Variants in AIM2 observed in about 807,000 individuals in gnomAD.
AIM2 encodes the protein absent in melanoma 2, also known as interferon-inducible protein AIM2.
A neutral mutation model predicts 27.7 loss-of-function variants in AIM2; 30 were observed. That is an observed-to-expected ratio of 1.08 (90% confidence interval 0.81 to 1.47). The LOEUF is 1.47. Among genes scored for constraint, AIM2 ranks in the 40% most tolerant of loss-of-function variants. The pLI, the probability that AIM2 is intolerant of heterozygous loss-of-function variation, is 0.00. For missense variants in AIM2, 358 were observed against 411.3 expected, an observed-to-expected ratio of 0.87 and a Z score of 1.12; for synonymous variants, 141 against 145.3, an observed-to-expected ratio of 0.97 and a Z score of 0.21.
Position 159,062,615 on chromosome 1 carries a change from T to G in AIM2, c.*77A>C, listed in dbSNP as rs1172198867. 1.4e-6 allele frequency: 2 copies of G among 1,394,924 alleles called. No homozygotes were observed. The highest frequency in any genetic ancestry group is 2.9e-5 in the African/African-American group (2 of 69,598). The allele number at this position is 1,394,924 out of a possible 1,614,324, so 86.4% of individuals were successfully genotyped here. A position where few individuals can be genotyped will look rare whatever the true frequency, so the allele number is the denominator to read the frequency against. On this transcript the variant is annotated 3_prime_UTR_variant, in exon 6 of 6. Transcript: ENST00000368130. ...AGCTTTCAGGTAACTTACAATCTGA[T>G]TGAAGAGGCTGTATCACATATTCTT...
chr1:159,062,779 T>C lies in AIM2; in HGVS notation c.1006-61A>G, dbSNP rs1655888800. The C allele has an allele frequency of 2.0e-6, 3 of 1,476,448 alleles. No homozygotes were observed. The African/African-American group carries it at 4.2e-5, about 21-fold the overall frequency. 91.5% of individuals were successfully genotyped at this position (1,476,448 alleles called of 1,614,324 possible). A position where few individuals can be genotyped will look rare whatever the true frequency, so the allele number is the denominator to read the frequency against. On this transcript the variant is annotated intron_variant, in intron 5 of 5. Transcript: ENST00000368130. Reference sequence around the variant, plus strand: ...AGTCGATGAGTGGCCCCTCCACTGTTTGCAGTCACTATGGCCTTCTGAAGT... The same window carrying C: ...AGTCGATGAGTGGCCCCTCCACTGTCTGCAGTCACTATGGCCTTCTGAAGT...
intron 1 of AIM2, chr1:159,081,773 G>A (rs562126336): frequency 1.4e-4 from 25 of 183,396 alleles, no homozygotes; most frequent in African/African-American, 3.8e-4. Context: ...TTCCTGACAC[G>A]TAAACTCTTA....
intron 1 of AIM2, among the ~76,000 whole-genome samples, chr1:159,138,836 C>T (rs928721093): frequency 2.0e-5 from 3 of 152,158 alleles, no homozygotes; most frequent in Non-Finnish European, 4.4e-5. Context: ...ACATATCCTG[C>T]CCGCATACTT....
intron 1 of AIM2, among the ~76,000 whole-genome samples, chr1:159,131,382 C>T (rs888591601): frequency 2.0e-5 from 3 of 151,950 alleles, no homozygotes; most frequent in African/African-American, 7.3e-5. Flanking sequence ...TGTGTGTATA[C>T]ATATATAATG....
At chr1:159,110,579 T>A (rs1176700278) in intron 1 of AIM2, among the ~76,000 whole-genome samples, 2 of 152,172 alleles carry the variant, frequency 1.3e-5, no homozygotes. Flanking sequence ...AAAAAAAAAC[T>A]GACACGGTCA....
At chr1:159,089,199 C>A (rs761606198) in intron 1 of AIM2, among the ~76,000 whole-genome samples, 2 of 152,148 alleles carry the variant, frequency 1.3e-5, no homozygotes, top group Non-Finnish European at 2.9e-5. Flanking sequence ...AGCATTATTT[C>A]AATTTAATAT....
At position 159,065,904 on chromosome 1, in the gene AIM2, A is replaced by G; in HGVS notation, c.816+6T>C. 6.3e-7 allele frequency: 1 copy of G among 1,580,626 alleles called. No homozygotes were observed. Among genetic ancestry groups the G allele is most frequent in the African/African-American group, 1.4e-5 (1 of 73,408 alleles). On this transcript the variant is annotated splice_donor_region_variant and intron_variant, in intron 4 of 5. Transcript: ENST00000368130. ...AATCAATATGAAATTAGATATGAAA[A>G]CTTACCTTCTGGACTACAAACAAAC...
At chr1:159,128,072 A>C (rs1451641301) in intron 1 of AIM2, among the ~76,000 whole-genome samples, 3 of 152,168 alleles carry the variant, frequency 2.0e-5, no homozygotes, top group African/African-American at 7.2e-5. Flanking sequence ...CTCCTAGTAG[A>C]ACACATGCCT....
Position 159,068,419 on chromosome 1 carries a change from T to C in AIM2, c.396+149A>G. The C allele has an allele frequency of 7.4e-6, 8 of 1,074,798 alleles. No individual in the cohort carries two copies. The South Asian group carries it at 1.4e-4, about 18-fold the overall frequency. The allele number at this position is 1,074,798 out of a possible 1,614,324, so 66.6% of individuals were successfully genotyped here. A position where few individuals can be genotyped will look rare whatever the true frequency, so the allele number is the denominator to read the frequency against. On this transcript the variant is annotated intron_variant, in intron 3 of 5. Transcript: ENST00000368130. The stretch of plus-strand genomic sequence containing the variant: ...AATCTGATGAATCAAAGGTAGTTCC[T>C]GTTTTTGTGACTCAGAATGCTTTTC...
At chr1:159,116,045 A>G (rs894036233) in intron 1 of AIM2, among the ~76,000 whole-genome samples, 4 of 152,324 alleles carry the variant, frequency 2.6e-5, no homozygotes, top group African/African-American at 9.6e-5. Flanking sequence ...CACTTCTCAA[A>G]AGAAGACATT....
intron 1 of AIM2, among the ~76,000 whole-genome samples, chr1:159,089,784 T>C (rs533385759): frequency 1.3e-5 from 2 of 152,226 alleles, no homozygotes; most frequent in Non-Finnish European, 2.9e-5. Flanking sequence ...GTTATTCTTC[T>C]AAGCTTTCCA....
downstream of AIM2, among the ~76,000 whole-genome samples, chr1:159,061,004 ATAAG>A (rs1190382367): frequency 1.3e-5 from 2 of 152,174 alleles, no homozygotes; most frequent in Non-Finnish European, 2.9e-5. Flanking sequence ...CCCACCAGCA[ATAAG>A]TAAGAGTTTC....
upstream of AIM2, among the ~76,000 whole-genome samples, chr1:159,077,186 C>A (rs1438484349): frequency 6.6e-6 from 1 of 152,086 alleles, no homozygotes; most frequent in African/African-American, 2.4e-5. Context: ...AAACCAACGA[C>A]ACCCTCAAGG....
upstream of AIM2, among the ~76,000 whole-genome samples, chr1:159,080,028 T>C (rs1249828671): frequency 3.3e-5 from 5 of 152,216 alleles, no homozygotes; most frequent in Non-Finnish European, 7.3e-5. Context: ...CTCATTTCTT[T>C]TTAGCACTAA....
intron 1 of AIM2, among the ~76,000 whole-genome samples, chr1:159,101,278 T>C (rs1657307816): frequency 6.6e-6 from 1 of 152,192 alleles, no homozygotes; most frequent in Non-Finnish European, 1.5e-5. Flanking sequence ...GCATTTCCCC[T>C]TCTGGCACTC....
In AIM2 at chr1:159,136,785, G is replaced by C. The variant is rs78429477; in HGVS notation, c.-16+3646C>G. 3.8e-3 allele frequency among the ~76,000 whole-genome samples: 584 copies of C among 152,232 alleles called. 3 individuals are homozygous for C. The highest frequency in any genetic ancestry group is 0.012 in the African/African-American group (484 of 41,536). On this transcript the variant is annotated intron_variant, in intron 1 of 2. Transcript: ENST00000368129. ...AGCAAAATGAACATTTTTACCATTA[G>C]GTAATAACTATTGTAATGACAATAA...
At chr1:159,103,607 A>T (rs925283897) in intron 1 of AIM2, among the ~76,000 whole-genome samples, 1 of 152,200 alleles carries the variant, frequency 6.6e-6, no homozygotes, top group Non-Finnish European at 1.5e-5. Context: ...TAGGCCTGGC[A>T]TACATGAGCA....
chr1:159,068,869 G>A (rs969403909), intron 2 of AIM2, among the ~76,000 whole-genome samples, 168 bp from the exon 3 acceptor site: 2 of 152,044 alleles, frequency 1.3e-5, no homozygotes, highest in Non-Finnish European at 2.9e-5. Context: ...ACTGGACCTG[G>A]CACAGACACC....
chr1:159,141,134 C>T (rs1253737832), upstream of AIM2, among the ~76,000 whole-genome samples: 1 of 152,186 alleles, frequency 6.6e-6, no homozygotes, highest in Admixed American at 6.5e-5. Context: ...AGAAACTACC[C>T]TCTGCATGAC....
Sources: gnomAD v4.1 joint callset for allele counts (sites outside exome capture counted in the v4.1 genomes callset) on GRCh38, gnomAD v4.1.1 for gene constraint, MANE v1.5 for transcripts, NCBI Gene and HGNC (gene_info 2026-07-23, HGNC 2026-07-21) for gene names.